TMEM232: variants seen among roughly 807,000 people sequenced by gnomAD.
The protein encoded by TMEM232 is transmembrane protein 232.
A neutral mutation model predicts 78.8 loss-of-function variants in TMEM232; 80 were observed. The observed-to-expected ratio is 1.01, with a 90% confidence interval of 0.85 to 1.22. TMEM232 has a LOEUF of 1.22. Among genes scored for constraint, TMEM232 ranks in the 50% most tolerant of loss-of-function variants. The probability of loss-of-function intolerance (pLI) is 0.00; values close to 1 mark genes in which losing one functional copy is unlikely to be tolerated. For synonymous variants in TMEM232, 297 were observed against 254.3 expected (o/e 1.17, Z -1.60); for missense variants, 881 against 742.2 (o/e 1.19, Z -2.17).
chr5:110,528,914 T>A, intron 11 of TMEM232, 79 bp from the exon 12 acceptor site: 5 of 1,161,368 alleles, frequency 4.3e-6, no homozygotes, highest in Non-Finnish European at 5.5e-6. Context: ...TTAAATTTTT[T>A]AAAGTATCTT....
chr5:110,519,614 CT>C (rs1445776542), intron 12 of TMEM232, among the ~76,000 whole-genome samples: 1 of 152,034 alleles, frequency 6.6e-6, no homozygotes, highest in East Asian at 1.9e-4. Flanking sequence ...ATCAATCCCA[CT>C]GTTGGGCATA....
chr5:110,524,061 G>A (rs1172802056), intron 12 of TMEM232, among the ~76,000 whole-genome samples: 7 of 150,444 alleles, frequency 4.7e-5, no homozygotes, highest in Non-Finnish European at 1.0e-4. Context: ...TCAGGAGTTC[G>A]CGACCAGCCT....
intron 12 of TMEM232, among the ~76,000 whole-genome samples, chr5:110,435,149 T>A (rs940025312): frequency 6.6e-6 from 1 of 151,870 alleles, no homozygotes; most frequent in Non-Finnish European, 1.5e-5. Context: ...TCTTCACTTA[T>A]TGATATGACT....
chr5:110,398,153 A>G (rs1168186814), intron 2 of TMEM232, among the ~76,000 whole-genome samples: 2 of 152,186 alleles, frequency 1.3e-5, no homozygotes, highest in South Asian at 2.1e-4. Flanking sequence ...CAAGGACATG[A>G]CAGTTCTCAC....
At chr5:110,630,131 T>C (rs868838019) in intron 5 of TMEM232, among the ~76,000 whole-genome samples, 4 of 152,144 alleles carry the variant, frequency 2.6e-5, no homozygotes, top group African/African-American at 9.7e-5. Context: ...ATTAAAATGG[T>C]TTCTTGCCTG....
At chr5:110,595,962 GAC>G (rs1375037763) in intron 10 of TMEM232, among the ~76,000 whole-genome samples, 1 of 152,066 alleles carries the variant, frequency 6.6e-6, no homozygotes, top group Non-Finnish European at 1.5e-5. Flanking sequence ...GCAACCCCAA[GAC>G]ACATAATTGT....
chr5:110,723,708 C>A (rs998789172), intron 1 of TMEM232, among the ~76,000 whole-genome samples: 1 of 152,124 alleles, frequency 6.6e-6, no homozygotes, highest in Non-Finnish European at 1.5e-5. Context: ...TTAAAGCAAC[C>A]CTAATTTTGT....
intron 12 of TMEM232, among the ~76,000 whole-genome samples, chr5:110,487,659 C>G (rs781376334): frequency 6.6e-6 from 1 of 152,014 alleles, no homozygotes; most frequent in Non-Finnish European, 1.5e-5. Flanking sequence ...GTATAAAACC[C>G]ACTTGATGAT....
At chr5:110,627,986 C>A in intron 5 of TMEM232, 106 bp from the exon 6 acceptor site, 1 of 767,752 alleles carries the variant, frequency 1.3e-6, no homozygotes, top group Non-Finnish European at 2.1e-6. Context: ...TTTGAGAAAA[C>A]AATTTTAAAC....
At chr5:110,667,475 C>A in intron 1 of TMEM232, 111 bp from the exon 2 acceptor site, 5 of 786,520 alleles carry the variant, frequency 6.4e-6, no homozygotes, top group Non-Finnish European at 7.4e-6. Flanking sequence ...TAAAGTTAGG[C>A]TTAAGAATAA....
chr5:110,724,036 G>T (rs1412906554), intron 1 of TMEM232, among the ~76,000 whole-genome samples: 1 of 152,124 alleles, frequency 6.6e-6, no homozygotes, highest in Non-Finnish European at 1.5e-5. Flanking sequence ...TGTTGGAGAC[G>T]AGTTTCTGTT....
intron 11 of TMEM232, among the ~76,000 whole-genome samples, chr5:110,549,336 C>T (rs897950023): frequency 6.6e-6 from 1 of 151,608 alleles, no homozygotes; most frequent in Admixed American, 6.6e-5. Flanking sequence ...ACTGAGAGGC[C>T]AAGCAGAGTG....
chr5:110,591,886 G>C (rs1260938503), intron 10 of TMEM232, among the ~76,000 whole-genome samples: 1 of 152,054 alleles, frequency 6.6e-6, no homozygotes, highest in Non-Finnish European at 1.5e-5. Flanking sequence ...TTTTCAGAAA[G>C]ACAGATCCTT....
chr5:110,493,249 G>A (rs896630205), intron 12 of TMEM232, among the ~76,000 whole-genome samples: 3 of 151,394 alleles, frequency 2.0e-5, no homozygotes, highest in Non-Finnish European at 4.4e-5. Context: ...GTATCATAAA[G>A]GAGAAAATTT....
chr5:110,607,701 T>G (rs948902430), intron 8 of TMEM232, among the ~76,000 whole-genome samples: 1 of 152,018 alleles, frequency 6.6e-6, no homozygotes, highest in Admixed American at 6.6e-5. Flanking sequence ...GCAGATTGGT[T>G]AATGAGCTAG....
chr5:110,519,506 CT>C (rs1361511125), intron 12 of TMEM232, among the ~76,000 whole-genome samples: 1 of 151,992 alleles, frequency 6.6e-6, no homozygotes, highest in Non-Finnish European at 1.5e-5. Context: ...AAGGGGAACA[CT>C]TGTGGATTGT....
chr5:110,689,242 G>C (rs191184380), intron 1 of TMEM232, among the ~76,000 whole-genome samples: 196 of 152,192 alleles, frequency 1.3e-3, no homozygotes, highest in Non-Finnish European at 1.1e-3. Flanking sequence ...ACAATTGAGA[G>C]GAAATATTCA....
chr5:110,417,205 C>A (rs1399775702), downstream of TMEM232, among the ~76,000 whole-genome samples: 1 of 152,088 alleles, frequency 6.6e-6, no homozygotes, highest in African/African-American at 2.4e-5. Flanking sequence ...TTAGATAGAA[C>A]TTTAGACCTG....
At chr5:110,640,316 T>C (rs962977926) in intron 4 of TMEM232, among the ~76,000 whole-genome samples, 3 of 152,178 alleles carry the variant, frequency 2.0e-5, no homozygotes, top group Non-Finnish European at 4.4e-5. Context: ...CTCATGTGGT[T>C]AACATTCTAA....
Sources: allele counts gnomAD v4.1 joint callset (sites outside exome capture counted in the v4.1 genomes callset), GRCh38; gene constraint gnomAD v4.1.1; transcripts MANE v1.5; gene names NCBI Gene and HGNC (gene_info 2026-07-23, HGNC 2026-07-21).